Variants in SCG3 observed in about 807,000 individuals in gnomAD.
SCG3 encodes the protein secretogranin III.
In SCG3, 38 loss-of-function variants were observed where a neutral mutation model predicts 56.2. The ratio of observed to expected loss-of-function variants is 0.68; its 90% CI spans 0.52 to 0.89. SCG3 has a LOEUF of 0.89. Ranked by LOEUF, SCG3 falls within the 40% of genes least tolerant of loss-of-function variation. SCG3 has a pLI of 0.00. For missense variants in SCG3, 524 were observed against 540.7 expected (o/e 0.97, Z 0.31); for synonymous variants, 176 against 184.2 (o/e 0.96, Z 0.36).
intron 7 of SCG3, among the ~76,000 whole-genome samples, chr15:51,694,927 AGGC>A (rs2141566077): frequency 6.6e-6 from 1 of 152,040 alleles, no homozygotes; most frequent in Non-Finnish European, 1.5e-5. Context: ...GCTACTCGGG[AGGC>A]TGAGGTAGGA....
At chr15:51,701,279 T>C (rs375494916) in intron 10 of SCG3, 35 bp downstream of exon 10, 6 of 1,534,916 alleles carry the variant, frequency 3.9e-6, no homozygotes, top group Admixed American at 4.5e-5. Flanking sequence ...AGCAATGAAA[T>C]TGGGAAAGCA....
rs2055483128 is a variant in SCG3 at position 51,719,618 on chromosome 15, C to G, written c.*92C>G. 1 of 897,974 alleles carries G rather than the reference C, an allele frequency of 1.1e-6. No individual in the cohort carries two copies. The highest frequency in any genetic ancestry group is 1.7e-6 in the Non-Finnish European group (1 of 581,404). 55.6% of individuals were successfully genotyped at this position (897,974 alleles called of 1,614,324 possible). ...AATTCTGTGATTAAAATTTTTTGACCCAAGGGTTATTAGAAAGTGCTGAAT... is the reference window on the plus strand; with the variant it reads ...AATTCTGTGATTAAAATTTTTTGACGCAAGGGTTATTAGAAAGTGCTGAAT... On this transcript the variant is annotated 3_prime_UTR_variant, in exon 12 of 12. Coordinates refer to ENST00000220478, the MANE Select transcript of SCG3 (RefSeq NM_013243.4).
At chr15:51,685,116 G>A (rs1387683014) in intron 4 of SCG3, among the ~76,000 whole-genome samples, 1 of 152,168 alleles carries the variant, frequency 6.6e-6, no homozygotes, top group African/African-American at 2.4e-5. Context: ...GAAGTGTCAC[G>A]TGTACCTATG....
intron 10 of SCG3, among the ~76,000 whole-genome samples, chr15:51,702,546 C>T (rs1357652574): frequency 3.3e-5 from 5 of 152,164 alleles, no homozygotes; most frequent in Admixed American, 1.3e-4. Flanking sequence ...TGTGAGCCAC[C>T]GTGCTCGGCC....
At position 51,717,047 on chromosome 15, in the gene SCG3, G is replaced by A. The variant is rs186176310; in HGVS notation, c.1289-2361G>A. Among the ~76,000 whole-genome samples, 31 of 151,996 alleles carry A rather than the reference G, an allele frequency of 2.0e-4. No homozygotes were observed. The East Asian group carries it at 5.9e-3, about 29-fold the overall frequency. On this transcript the variant is annotated intron_variant, in intron 11 of 11. Coordinates refer to ENST00000220478, the MANE Select transcript of SCG3 (RefSeq NM_013243.4). ...TTGAGACCAGCCTGGTCAACATAGCGAGACCCCATCTCCACAAAAAATTTA... is the reference window on the plus strand; with the variant it reads ...TTGAGACCAGCCTGGTCAACATAGCAAGACCCCATCTCCACAAAAAATTTA...
intron 11 of SCG3, among the ~76,000 whole-genome samples, chr15:51,718,304 A>G (rs190102997): frequency 7.9e-5 from 12 of 152,256 alleles, no homozygotes; most frequent in Admixed American, 5.9e-4. Context: ...TAAAGTGTCC[A>G]GTGCTGGGAT....
intron 10 of SCG3, among the ~76,000 whole-genome samples, chr15:51,709,682 TA>T: frequency 7.5e-5 from 1 of 13,402 alleles, no homozygotes. Context: ...TATATATATA[TA>T]TATATATATA....
At chr15:51,690,405 T>A (rs2055259058) in intron 6 of SCG3, among the ~76,000 whole-genome samples, 1 of 152,206 alleles carries the variant, frequency 6.6e-6, no homozygotes, top group Admixed American at 6.5e-5. Flanking sequence ...TTTTCCTCTG[T>A]AAAGCACCCA....
At chr15:51,706,290 T>C (rs2055375309) in intron 10 of SCG3, among the ~76,000 whole-genome samples, 1 of 152,164 alleles carries the variant, frequency 6.6e-6, no homozygotes, top group African/African-American at 2.4e-5. Context: ...AGGAAGCAGC[T>C]ACAGAAGGAA....
chr15:51,714,613 C>A (rs2652594), intron 11 of SCG3, among the ~76,000 whole-genome samples: 1 of 151,984 alleles, frequency 6.6e-6, no homozygotes, highest in African/African-American at 2.4e-5. Flanking sequence ...ACTGCCCAGG[C>A]TGCACTGCAG....
intron 11 of SCG3, among the ~76,000 whole-genome samples, chr15:51,718,622 G>C (rs751996325): frequency 1.7e-4 from 23 of 133,094 alleles, no homozygotes; most frequent in African/African-American, 6.5e-4. Flanking sequence ...AATACTTAAA[G>C]GATCAAGGGA....
intron 8 of SCG3, among the ~76,000 whole-genome samples, chr15:51,697,765 G>T (rs1056944030): frequency 6.6e-6 from 1 of 151,976 alleles, no homozygotes; most frequent in Non-Finnish European, 1.5e-5. Flanking sequence ...TGTAAATATT[G>T]TTTATCAAGA....
In SCG3 at chr15:51,692,262, C is replaced by G; in HGVS notation, c.794C>G (p.Thr265Ser). The change falls in exon 7 of 12, where the codon ACC (threonine) becomes AGC (serine). Residue 265 changes from threonine (T) to serine (S), a missense_variant. By Grantham distance (58) the Thr-to-Ser change is moderately conservative. Coordinates refer to ENST00000220478, the MANE Select transcript of SCG3 (RefSeq NM_013243.4). The stretch of plus-strand genomic sequence containing the variant: ...AATGGCTTGGAAAGGAGAACTAAAA[C>G]CTACAGTGAAGACAACTTTGAGGAA... ...LTNGLERRTK[T>S]YSEDNFEELQ... is the part of the protein sequence containing the mutation. 6.2e-7 allele frequency: 1 copy of G among 1,614,038 alleles called. No homozygotes were observed. The highest frequency in any genetic ancestry group is 8.5e-7 in the Non-Finnish European group (1 of 1,179,932).
intron 10 of SCG3, among the ~76,000 whole-genome samples, chr15:51,710,524 A>T (rs1352047937): frequency 6.6e-6 from 1 of 152,182 alleles, no homozygotes; most frequent in Non-Finnish European, 1.5e-5. Context: ...AAAATTCCAT[A>T]CCATTTTTAT....
At chr15:51,686,637 A>G (rs2055230332) in intron 4 of SCG3, among the ~76,000 whole-genome samples, 1 of 151,186 alleles carries the variant, frequency 6.6e-6, no homozygotes, top group Admixed American at 6.6e-5. Context: ...TGAAAAATAG[A>G]TGACGATCCA....
At chr15:51,683,764 A>C (rs1302561113) in intron 4 of SCG3, among the ~76,000 whole-genome samples, 1 of 152,230 alleles carries the variant, frequency 6.6e-6, no homozygotes, top group East Asian at 1.9e-4. Flanking sequence ...TCAAATAATT[A>C]GATCAGTAAA....
chr15:51,710,122 C>T (rs1429169246), intron 10 of SCG3, among the ~76,000 whole-genome samples: 1 of 151,894 alleles, frequency 6.6e-6, no homozygotes, highest in Non-Finnish European at 1.5e-5. Flanking sequence ...GGCTTCTGTA[C>T]AGAAAGATTT....
At chr15:51,704,764 CATATATATATATATATATATAT>C (rs56192434) in intron 10 of SCG3, among the ~76,000 whole-genome samples, 3 of 67,010 alleles carry the variant, frequency 4.5e-5, no homozygotes, top group Non-Finnish European at 1.0e-4. Context: ...GTGAGTAATA[CATATATATATATATATATATAT>C]ATATATATAC....
Position 51,688,406 on chromosome 15 carries a change from A to C in SCG3, c.540+4A>C, listed in dbSNP as rs1429486274. 1.2e-6 allele frequency: 2 copies of C among 1,612,578 alleles called. No homozygotes were observed. The highest frequency in any genetic ancestry group is 1.7e-6 in the Non-Finnish European group (2 of 1,178,904). ...TAAACTACTTAATCTCGGCCTTGTA[A>C]GTCATTTGGTAGGAAATAAACCAAA... On this transcript the variant is annotated splice_donor_region_variant and intron_variant, in intron 5 of 11. Transcript: ENST00000220478.
Sources: allele counts gnomAD v4.1 joint callset (sites outside exome capture counted in the v4.1 genomes callset), GRCh38; gene constraint gnomAD v4.1.1; transcripts MANE v1.5; gene names NCBI Gene and HGNC (gene_info 2026-07-23, HGNC 2026-07-21).